The following MEF2C variants were observed in gnomAD, a reference collection of about 807,000 sequenced individuals.
MEF2C encodes myocyte-specific enhancer factor 2C.
Under a neutral mutation model 50.5 loss-of-function variants are expected in MEF2C, and 6 were observed. The ratio of observed to expected loss-of-function variants is 0.12; its 90% CI spans 0.07 to 0.23. MEF2C has a LOEUF of 0.23. Ranked by LOEUF, MEF2C falls within the 10% of genes least tolerant of loss-of-function variation. MEF2C has a pLI of 1.00. For synonymous variants in MEF2C, 183 were observed against 228.0 expected (o/e 0.80, Z 1.78); for missense variants, 276 against 605.0 (o/e 0.46, Z 5.70).
At chr5:88,887,907 C>T (rs906500015), upstream of MEF2C, among the ~76,000 whole-genome samples, 6 of 152,288 alleles carry the variant, frequency 3.9e-5, no homozygotes, top group African/African-American at 1.4e-4. Flanking sequence ...TATTTCAAGA[C>T]AAGGTTTACA....
At chr5:88,869,041 T>A (rs933896680) in intron 1 of MEF2C, among the ~76,000 whole-genome samples, 3 of 151,866 alleles carry the variant, frequency 2.0e-5, no homozygotes, top group Middle Eastern at 3.4e-3. Context: ...TCTAGAAAGA[T>A]AATTTAGCAA....
At chr5:88,783,360 G>C (rs534660732) in intron 3 of MEF2C, among the ~76,000 whole-genome samples, 15 of 152,166 alleles carry the variant, frequency 9.9e-5, no homozygotes, top group Non-Finnish European at 2.2e-4. Flanking sequence ...CGGGTGCAGT[G>C]GTTCACGCCT....
chr5:88,864,871 A>G (rs1826775074), intron 1 of MEF2C, among the ~76,000 whole-genome samples: 1 of 151,974 alleles, frequency 6.6e-6, no homozygotes. Context: ...CCCGGGTTCA[A>G]GCGATTCTGC....
intron 3 of MEF2C, among the ~76,000 whole-genome samples, chr5:88,786,359 G>C (rs906510772): frequency 2.0e-5 from 3 of 152,144 alleles, no homozygotes; most frequent in South Asian, 2.1e-4. Flanking sequence ...ATTAAACTGC[G>C]AGAAAAGTTG....
intron 2 of MEF2C, among the ~76,000 whole-genome samples, chr5:88,818,716 G>A (rs553697031): frequency 1.3e-5 from 2 of 151,904 alleles, no homozygotes; most frequent in Non-Finnish European, 1.5e-5. Flanking sequence ...TCATTCTCTA[G>A]CCCCTTGTTG....
chr5:88,898,976 A>G (rs1214371796), intron 1 of MEF2C, among the ~76,000 whole-genome samples: 2 of 152,126 alleles, frequency 1.3e-5, no homozygotes, highest in African/African-American at 4.8e-5. Context: ...ATATATTATC[A>G]TGCTGGCTTA....
At position 88,734,580 on chromosome 5, in the gene MEF2C, T is replaced by TG. The variant is rs1370043886; in HGVS notation, c.638-2680_638-2679insC. ...AGAAAAGTTTGTTTTTTTTTTTTTTTTTTTTTTTTTTTTTTTTTAGCATTT... is the reference window on the plus strand; with the variant it reads ...AGAAAAGTTTGTTTTTTTTTTTTTTTGTTTTTTTTTTTTTTTTTTAGCATTT... On this transcript the variant is annotated intron_variant, in intron 6 of 10. Coordinates refer to ENST00000504921, the MANE Select transcript of MEF2C (RefSeq NM_002397.5). 2.0e-5 allele frequency: 19 copies of TG among 958,258 alleles called. No individual in the cohort carries two copies. In the African/African-American group the frequency reaches 2.4e-4, roughly 12 times the overall value. 59.4% of individuals were successfully genotyped at this position (958,258 alleles called of 1,614,324 possible). A position where few individuals can be genotyped will look rare whatever the true frequency, so the allele number is the denominator to read the frequency against.
intron 3 of MEF2C, among the ~76,000 whole-genome samples, chr5:88,773,607 G>T (rs1046600420): frequency 2.0e-5 from 3 of 152,196 alleles, no homozygotes; most frequent in Non-Finnish European, 4.4e-5. Flanking sequence ...TAGGATATCT[G>T]ACAGTAGAAT....
intron 1 of MEF2C, chr5:88,838,465 C>G (rs1047667989): frequency 1.5e-6 from 1 of 671,650 alleles, no homozygotes; most frequent in South Asian, 6.7e-5. Flanking sequence ...ATATTCTTCA[C>G]AATTCCCGGA....
intron 6 of MEF2C, chr5:88,735,868 C>A (rs1008060059): frequency 1.2e-4 from 118 of 985,250 alleles, no homozygotes; most frequent in Non-Finnish European, 3.0e-5. Context: ...TCTTTGAGCT[C>A]AAAGTTCTGA....
intron 7 of MEF2C, among the ~76,000 whole-genome samples, chr5:88,730,442 C>T (rs142710239): frequency 1.3e-4 from 20 of 152,230 alleles, no homozygotes; most frequent in African/African-American, 4.6e-4. Flanking sequence ...ACAATCTACC[C>T]GGTTTTCAGC....
intron 1 of MEF2C, among the ~76,000 whole-genome samples, chr5:88,827,914 T>TAAA (rs5869444): frequency 2.1e-5 from 3 of 142,040 alleles, no homozygotes; most frequent in Non-Finnish European, 4.6e-5. Context: ...GCTCCCACAT[T>TAAA]AAAAAAAAAA....
intron 5 of MEF2C, 24 bp downstream of exon 5, chr5:88,751,833 C>T (rs1378949856): frequency 6.2e-7 from 1 of 1,609,886 alleles, no homozygotes; most frequent in Admixed American, 1.7e-5. Context: ...TATTTGTTAG[C>T]ATTACATCCT....
upstream of MEF2C, chr5:88,884,216 T>C (rs888958979): frequency 6.6e-6 from 1 of 152,224 alleles, no homozygotes; most frequent in Non-Finnish European, 1.5e-5. Flanking sequence ...GGATCTTTCC[T>C]CTGACCAATA....
intron 2 of MEF2C, among the ~76,000 whole-genome samples, chr5:88,805,682 C>A (rs1800080837): frequency 6.6e-6 from 1 of 152,118 alleles, no homozygotes; most frequent in Non-Finnish European, 1.5e-5. Context: ...TACAACAGCT[C>A]CCTCTCCCTG....
At chr5:88,829,639 T>C (rs1163613994) in intron 1 of MEF2C, among the ~76,000 whole-genome samples, 4 of 152,040 alleles carry the variant, frequency 2.6e-5, no homozygotes, top group South Asian at 2.1e-4. Flanking sequence ...CAGAAGCAGA[T>C]TGATAACCTC....
chr5:88,751,267 CAG>C (rs766467007), intron 5 of MEF2C: 4 of 985,396 alleles, frequency 4.1e-6, no homozygotes, highest in East Asian at 2.3e-4. Context: ...AGTAAAAGTG[CAG>C]AGACAAATTT....
intron 3 of MEF2C, among the ~76,000 whole-genome samples, chr5:88,787,973 G>C (rs1452207862): frequency 1.3e-5 from 2 of 152,038 alleles, no homozygotes; most frequent in African/African-American, 4.8e-5. Context: ...CAAATATTCT[G>C]TTCCTTGGAG....
intron 4 of MEF2C, among the ~76,000 whole-genome samples, chr5:88,759,914 T>C (rs1777096147): frequency 6.6e-6 from 1 of 152,276 alleles, no homozygotes; most frequent in South Asian, 2.1e-4. Context: ...TTAATTTATC[T>C]TGTGAGTGCA....
Sources: allele counts gnomAD v4.1 joint callset (sites outside exome capture counted in the v4.1 genomes callset), GRCh38; gene constraint gnomAD v4.1.1; transcripts MANE v1.5; gene names NCBI Gene and HGNC (gene_info 2026-07-23, HGNC 2026-07-21).